ABTB3: variants seen among roughly 807,000 people sequenced by gnomAD.
ABTB3 encodes the protein ankyrin repeat and BTB domain containing 3, also known as ankyrin repeat- and BTB/POZ domain-containing protein 3.
At chr12:107,427,220 C>T in the ABTB3 span, among the ~76,000 whole-genome samples, 1 of 152,098 alleles carries the variant, frequency 6.6e-6, no homozygotes, top group African/African-American at 2.4e-5. Flanking sequence ...GGGTGCACCA[C>T]TCCATTCTCT....
At chr12:107,562,843 T>C in the ABTB3 span, among the ~76,000 whole-genome samples, 1 of 152,228 alleles carries the variant, frequency 6.6e-6, no homozygotes, top group Admixed American at 6.5e-5. Flanking sequence ...TGTTCTGGAA[T>C]TAGCACAGCC....
At chr12:107,341,776 G>T in the ABTB3 span, among the ~76,000 whole-genome samples, 1 of 152,186 alleles carries the variant, frequency 6.6e-6, no homozygotes. Context: ...GAGGTGTTTC[G>T]ATCCCTGTTG....
chr12:107,636,837 C>T, the ABTB3 span, among the ~76,000 whole-genome samples: 1 of 152,220 alleles, frequency 6.6e-6, no homozygotes, highest in Admixed American at 6.5e-5. Context: ...TGTCTAGGTG[C>T]CTCATAAGAC....
chr12:107,508,776 A>G, the ABTB3 span, among the ~76,000 whole-genome samples: 6 of 152,232 alleles, frequency 3.9e-5, no homozygotes, highest in East Asian at 1.2e-3. Context: ...ACTCCAGCAC[A>G]CAATTTCCCT....
chr12:107,501,460 G>A, the ABTB3 span, among the ~76,000 whole-genome samples: 1,691 of 152,042 alleles, frequency 0.011, 29 homozygotes, highest in African/African-American at 0.039. Context: ...AGCACTTTGG[G>A]AGGCCAAGGT....
At chr12:107,466,658 C>T in the ABTB3 span, among the ~76,000 whole-genome samples, 1 of 151,976 alleles carries the variant, frequency 6.6e-6, no homozygotes, top group Admixed American at 6.6e-5. Context: ...GGAATTTGGA[C>T]TTCTGCATGG....
the ABTB3 span, among the ~76,000 whole-genome samples, chr12:107,454,095 C>T: frequency 7.9e-5 from 12 of 152,366 alleles, no homozygotes; most frequent in Admixed American, 5.9e-4. Flanking sequence ...CCAGCACTTA[C>T]CCTGTGCCTG....
At chr12:107,588,239 A>G in the ABTB3 span, among the ~76,000 whole-genome samples, 6 of 152,340 alleles carry the variant, frequency 3.9e-5, no homozygotes, top group South Asian at 1.0e-3. Flanking sequence ...ATAAGGTCAT[A>G]CCCATATGGA....
At chr12:107,599,874 T>C in the ABTB3 span, among the ~76,000 whole-genome samples, 3 of 152,210 alleles carry the variant, frequency 2.0e-5, no homozygotes, top group African/African-American at 7.2e-5. Context: ...TCTGAGGTTC[T>C]CCAGAGCAGA....
the ABTB3 span, among the ~76,000 whole-genome samples, chr12:107,517,109 A>G: frequency 6.6e-6 from 1 of 152,134 alleles, no homozygotes; most frequent in Non-Finnish European, 1.5e-5. Flanking sequence ...TCCCAGCACC[A>G]TTTGTTAAAT....
chr12:107,375,002 C>A, the ABTB3 span, among the ~76,000 whole-genome samples: 1 of 152,124 alleles, frequency 6.6e-6, no homozygotes, highest in African/African-American at 2.4e-5. Context: ...AAGGTTAAGT[C>A]TTTTTGGCTT....
the ABTB3 span, among the ~76,000 whole-genome samples, chr12:107,480,977 A>G: frequency 1.1e-4 from 17 of 152,174 alleles, no homozygotes; most frequent in African/African-American, 3.9e-4. Context: ...GAGGCTTAAG[A>G]ACCAAGTGTT....
chr12:107,640,555 G>A, the ABTB3 span: 3 of 545,882 alleles, frequency 5.5e-6, no homozygotes, highest in South Asian at 9.1e-5. Flanking sequence ...GTACAGGGAA[G>A]CTGCTAGCAT....
chr12:107,501,590 C>T, the ABTB3 span, among the ~76,000 whole-genome samples: 1 of 152,042 alleles, frequency 6.6e-6, no homozygotes, highest in South Asian at 2.1e-4. Flanking sequence ...GTCCCAGCTA[C>T]TTGGGAGGCT....
the ABTB3 span, among the ~76,000 whole-genome samples, chr12:107,460,551 C>T: frequency 3.9e-5 from 6 of 152,224 alleles, no homozygotes; most frequent in East Asian, 1.9e-4. Context: ...CCCAGCTCCT[C>T]GGGAGGCTGA....
At chr12:107,351,390 C>T in the ABTB3 span, among the ~76,000 whole-genome samples, 2 of 152,176 alleles carry the variant, frequency 1.3e-5, no homozygotes, top group Middle Eastern at 3.2e-3. Flanking sequence ...GGAGTGTCCC[C>T]ATTGGCTACA....
At chr12:107,401,360 C>T in the ABTB3 span, among the ~76,000 whole-genome samples, 1 of 152,302 alleles carries the variant, frequency 6.6e-6, no homozygotes, top group African/African-American at 2.4e-5. Flanking sequence ...CCATCCTTTC[C>T]AGCTGGCTCT....
the ABTB3 span, among the ~76,000 whole-genome samples, chr12:107,549,839 G>A: frequency 0.13 from 20,337 of 152,098 alleles, 1,589 homozygotes; most frequent in East Asian, 0.33. Flanking sequence ...TTAATTTATT[G>A]ACTCTCGTAA....
At chr12:107,474,314 G>A in the ABTB3 span, among the ~76,000 whole-genome samples, 2 of 152,264 alleles carry the variant, frequency 1.3e-5, no homozygotes, top group Non-Finnish European at 1.5e-5. Context: ...TGCCACCGCC[G>A]AGAGCCACCT....
Sources: gnomAD v4.1 joint callset for allele counts (sites outside exome capture counted in the v4.1 genomes callset) on GRCh38, gnomAD v4.1.1 for gene constraint, MANE v1.5 for transcripts, NCBI Gene and HGNC (gene_info 2026-07-23, HGNC 2026-07-21) for gene names.